MEI1: variants seen among roughly 807,000 people sequenced by gnomAD.
MEI1 encodes the protein meiosis inhibitor protein 1.
Under a neutral mutation model 146.2 loss-of-function variants are expected in MEI1, and 103 were observed. The observed-to-expected ratio is 0.70, with a 90% CI of 0.60 to 0.83. The LOEUF is 0.83. MEI1 is among the 40% of genes least tolerant of loss of function. MEI1 has a pLI of 0.00. For synonymous variants in MEI1, 652 were observed against 628.2 expected, an observed-to-expected ratio of 1.04 and a Z score of -0.57; for missense variants, 1,529 against 1,533.0, an observed-to-expected ratio of 1.00 and a Z score of 0.04.
intron 3 of MEI1, among the ~76,000 whole-genome samples, chr22:41,707,090 C>G (rs2147245904): frequency 6.6e-6 from 1 of 151,228 alleles, no homozygotes; most frequent in African/African-American, 2.4e-5. Flanking sequence ...GTAATCCCAG[C>G]TACTTGGGAG....
Position 41,793,032 on chromosome 22 carries a change from C to CTT in MEI1, c.3346-767_3346-766dup, listed in dbSNP as rs869223251. ...ATCTTCTTTTCTGAAACAAAGCATTCTTTTTTTTTTTTTTTTTTTTTTTTT... is the reference window on the plus strand; with the variant it reads ...ATCTTCTTTTCTGAAACAAAGCATTCTTTTTTTTTTTTTTTTTTTTTTTTTTT... On this transcript the variant is annotated intron_variant, in intron 26 of 30. Coordinates refer to ENST00000401548, the MANE Select transcript of MEI1 (RefSeq NM_152513.4). Among the ~76,000 whole-genome samples the CTT allele has an allele frequency of 2.3e-3, 110 of 48,438 alleles. 18 individuals are homozygous for CTT. The East Asian group carries it at 0.03, about 13-fold the overall frequency. The allele number at this position is 48,438 out of a possible 152,430, so 31.8% of individuals were successfully genotyped here.
Position 41,762,549 on chromosome 22 carries a change from G to GTTTTTTTTTT in MEI1, c.2121-625_2121-624insTTTTTTTTTT, listed in dbSNP as rs554541069. The stretch of plus-strand genomic sequence containing the variant: ...GTCTACACAACCAGCTAATTTAACT[G>GTTTTTTTTTT]ATTTTTTTTTTTTTTTTTGTAGAGA... On this transcript the variant is annotated intron_variant, in intron 18 of 30. Transcript: ENST00000401548. Among the ~76,000 whole-genome samples the GTTTTTTTTTT allele has an allele frequency of 1.6e-5, 2 of 128,798 alleles. 1 individual carries two copies. The highest frequency in any genetic ancestry group is 3.3e-5 in the Non-Finnish European group (2 of 60,834). 84.5% of individuals were successfully genotyped at this position (128,798 alleles called of 152,430 possible). A position where few individuals can be genotyped will look rare whatever the true frequency, so the allele number is the denominator to read the frequency against.
At chr22:41,716,683 ATTCTT>A (rs2147352007) in intron 5 of MEI1, among the ~76,000 whole-genome samples, 1 of 88,266 alleles carries the variant, frequency 1.1e-5, no homozygotes, top group South Asian at 3.9e-4. Context: ...CCTTCCATTC[ATTCTT>A]TTTTTTTTTT....
intron 30 of MEI1, among the ~76,000 whole-genome samples, chr22:41,796,214 G>A (rs1182510007): frequency 6.6e-6 from 1 of 152,122 alleles, no homozygotes; most frequent in African/African-American, 2.4e-5. Context: ...TTGAGATGGA[G>A]TCTTGCTCCG....
intron 6 of MEI1, among the ~76,000 whole-genome samples, chr22:41,721,186 C>G: frequency 1.3e-5 from 2 of 151,322 alleles, no homozygotes; most frequent in South Asian, 4.2e-4. Context: ...GATATGTCCG[C>G]CTCGGCCTCC....
At chr22:41,722,719 T>C (rs897672177) in intron 6 of MEI1, among the ~76,000 whole-genome samples, 2 of 152,144 alleles carry the variant, frequency 1.3e-5, no homozygotes, top group Admixed American at 1.3e-4. Flanking sequence ...TATCTTCTTA[T>C]AGAAGCCTTC....
rs2075121011 is a variant in MEI1, at chr22:41,770,576, C to T, written c.2269-110C>T. On this transcript the variant is annotated intron_variant, in intron 19 of 30. Transcript: ENST00000401548. ...CTTGGGATGAGCTAGCCAAGGTGTC[C>T]TGGAATACTGAGATGACAGTACATT... The T allele has an allele frequency of 1.2e-5, 13 of 1,069,730 alleles. No individual in the cohort carries two copies. In the South Asian group the frequency reaches 2.0e-4, roughly 16 times the overall value. The allele number at this position is 1,069,730 out of a possible 1,614,324, so 66.3% of individuals were successfully genotyped here. A position where few individuals can be genotyped will look rare whatever the true frequency, so the allele number is the denominator to read the frequency against.
intron 3 of MEI1, chr22:41,709,605 G>C: frequency 2.4e-6 from 1 of 419,024 alleles, no homozygotes; most frequent in Admixed American, 3.5e-5. Flanking sequence ...TGAATCTTCA[G>C]TGGCTCTTCC....
chr22:41,730,449 G>T, intron 8 of MEI1, 72 bp from the exon 9 acceptor site: 2 of 982,680 alleles, frequency 2.0e-6, no homozygotes, highest in East Asian at 2.4e-5. Flanking sequence ...TAAATCCAAG[G>T]CCTTAGCATC....
In MEI1 at chr22:41,763,113, T is replaced by A. The variant is rs1232836290; in HGVS notation, c.2121-61T>A. ...TGAGGAAGGATGCGGCCAGGCAGAA[T>A]AGAAGAGCCCAGTGGCCTGCCAACT... is the stretch of plus-strand genomic sequence containing the variant. On this transcript the variant is annotated intron_variant, in intron 18 of 30. Coordinates refer to ENST00000401548, the MANE Select transcript of MEI1 (RefSeq NM_152513.4). 23 of 1,586,226 alleles carry A rather than the reference T, an allele frequency of 1.4e-5. No homozygotes were observed. The East Asian group carries it at 5.1e-4, about 35-fold the overall frequency.
At chr22:41,751,854 G>A (rs1176156818) in intron 15 of MEI1, among the ~76,000 whole-genome samples, 2 of 151,038 alleles carry the variant, frequency 1.3e-5, no homozygotes, top group African/African-American at 2.4e-5. Flanking sequence ...GGTGGATCAT[G>A]AGGTCAAGAG....
intron 21 of MEI1, 55 bp from the exon 22 acceptor site, chr22:41,778,653 C>A: frequency 7.1e-7 from 1 of 1,400,218 alleles, no homozygotes; most frequent in Non-Finnish European, 9.9e-7. Context: ...GGGTGTCTGA[C>A]CTTCAGGTGA....
chr22:41,778,913 C>A (rs1244371778), intron 22 of MEI1, 101 bp downstream of exon 22: 1 of 854,346 alleles, frequency 1.2e-6, no homozygotes, highest in South Asian at 1.5e-5. Flanking sequence ...ACTCTTTCAT[C>A]CCTTTGGAAG....
chr22:41,720,071 A>G (rs1011402809), intron 6 of MEI1, among the ~76,000 whole-genome samples: 19 of 152,324 alleles, frequency 1.2e-4, no homozygotes, highest in African/African-American at 4.1e-4. Flanking sequence ...AGGCCAGTGT[A>G]GAAGACACAC....
chr22:41,746,703 CCT>C (rs1420158191), intron 14 of MEI1, among the ~76,000 whole-genome samples: 2 of 152,050 alleles, frequency 1.3e-5, no homozygotes, highest in African/African-American at 4.8e-5. Context: ...GTGAGGAGTC[CCT>C]GTTAGTCGGG....
intron 7 of MEI1, among the ~76,000 whole-genome samples, chr22:41,729,156 CT>C: frequency 8.2e-6 from 1 of 121,220 alleles, no homozygotes; most frequent in Non-Finnish European, 1.7e-5. Flanking sequence ...CAGAGTGAGA[CT>C]CCGTCTCAAA....
chr22:41,752,781 C>G lies in MEI1; in HGVS notation c.1853+130C>G, dbSNP rs28675189. On this transcript the variant is annotated intron_variant, in intron 16 of 30. Coordinates refer to ENST00000401548, the MANE Select transcript of MEI1 (RefSeq NM_152513.4). ...TGGTGTTGACATAGTGTCAGCATTGCTCAGCATCTGGTGCAATAAGCTGGT... is the reference window on the plus strand; with the variant it reads ...TGGTGTTGACATAGTGTCAGCATTGGTCAGCATCTGGTGCAATAAGCTGGT... 5.1e-6 allele frequency: 4 copies of G among 788,422 alleles called. No individual in the cohort carries two copies. The African/African-American group carries it at 6.9e-5, about 14-fold the overall frequency. 48.8% of individuals were successfully genotyped at this position (788,422 alleles called of 1,614,324 possible).
chr22:41,781,147 T>C (rs2075738734), intron 22 of MEI1, 137 bp from the exon 23 acceptor site: 2 of 652,606 alleles, frequency 3.1e-6, no homozygotes, highest in Non-Finnish European at 5.5e-6. Flanking sequence ...TTTCTTTCCA[T>C]TGGTTGTAAT....
chr22:41,741,942 CAAAAAAA>C (rs10544640), intron 11 of MEI1, among the ~76,000 whole-genome samples: 4,349 of 116,184 alleles, frequency 0.037, 130 homozygotes, highest in Admixed American at 0.084. Context: ...GACTCCATCT[CAAAAAAA>C]AAAAAAAAAA....
Sources: gnomAD v4.1 joint callset for allele counts (sites outside exome capture counted in the v4.1 genomes callset) on GRCh38, gnomAD v4.1.1 for gene constraint, MANE v1.5 for transcripts, NCBI Gene and HGNC (gene_info 2026-07-23, HGNC 2026-07-21) for gene names.